Variants in SLC49A4 observed in about 807,000 individuals in gnomAD.
SLC49A4 encodes solute carrier family 49 member 4, also known as disrupted in renal cancer protein 2.
In SLC49A4, 36 loss-of-function variants were observed where a neutral mutation model predicts 50.6. That is an observed-to-expected ratio of 0.71 (90% CI 0.55 to 0.94). The LOEUF is 0.94. SLC49A4 is among the 40% of genes least tolerant of loss of function. The pLI is 0.00. For missense variants in SLC49A4, 503 were observed against 605.7 expected (o/e 0.83, Z 1.78); for synonymous variants, 248 against 241.2 (o/e 1.03, Z -0.26).
At chr3:122,860,268 A>G (rs1937045391) in intron 7 of SLC49A4, 66 bp downstream of exon 7, 5 of 1,371,712 alleles carry the variant, frequency 3.6e-6, no homozygotes, top group South Asian at 1.8e-5. Flanking sequence ...CATAACTCTG[A>G]CAGTAGGACT....
rs542235157 is a variant in SLC49A4 at position 122,838,129 on chromosome 3, C to A, written c.833+4683C>A. Among the ~76,000 whole-genome samples the A allele has an allele frequency of 7.1e-3, 1,072 of 152,028 alleles. 4 individuals are homozygous for A. The highest frequency in any genetic ancestry group is 0.022 in the African/African-American group (924 of 41,444). On this transcript the variant is annotated intron_variant, in intron 4 of 8. Transcript: ENST00000261038. ...TTGGTGGGACTGTAAACTAGTTCAA[C>A]CATTGTGGAAGTCAGTGTGGTGATT...
intron 2 of SLC49A4, among the ~76,000 whole-genome samples, chr3:122,824,698 CTTCCT>C (rs1347768744): frequency 7.7e-6 from 1 of 129,238 alleles, no homozygotes; most frequent in Non-Finnish European, 1.7e-5. Flanking sequence ...CCCTTCCTTT[CTTCCT>C]TTCCTTTCCT....
In SLC49A4 at chr3:122,807,695, G is replaced by A. The variant is rs149832108; in HGVS notation, c.437+745G>A. 8.6e-3 allele frequency among the ~76,000 whole-genome samples: 1,306 copies of A among 152,216 alleles called. 9 individuals are homozygous for A. The highest frequency in any genetic ancestry group is 0.011 in the Non-Finnish European group (760 of 67,998). On this transcript the variant is annotated intron_variant, in intron 2 of 8. Coordinates refer to ENST00000261038, the MANE Select transcript of SLC49A4 (RefSeq NM_032839.3). ...GTCCTTGAATGTGACCTTGAGAGTC[G>A]TTGAGAAATTTTTTCCCTTTCAGAA...
intron 3 of SLC49A4, 32 bp downstream of exon 3, chr3:122,827,097 C>T: frequency 6.3e-7 from 1 of 1,585,728 alleles, no homozygotes; most frequent in Non-Finnish European, 8.6e-7. Context: ...TCTTGTTATA[C>T]TTTGTCTTTT....
intron 4 of SLC49A4, among the ~76,000 whole-genome samples, chr3:122,840,404 AT>A: frequency 6.6e-6 from 1 of 152,280 alleles, no homozygotes; most frequent in South Asian, 2.1e-4. Flanking sequence ...ATTTGTTTTA[AT>A]TTTTTGTATA....
In SLC49A4 at chr3:122,868,004, A is replaced by G. The variant is rs555856495; in HGVS notation, c.1139-4411A>G. On this transcript the variant is annotated intron_variant, in intron 7 of 8. Coordinates refer to ENST00000261038, the MANE Select transcript of SLC49A4 (RefSeq NM_032839.3). ...GTGGTGGGCGCCTGTAGTCCCAGCTACTTGGGAGGCTGAGGCAGGAGAATG... is the reference window on the plus strand; with the variant it reads ...GTGGTGGGCGCCTGTAGTCCCAGCTGCTTGGGAGGCTGAGGCAGGAGAATG... Among the ~76,000 whole-genome samples, 6 of 151,848 alleles carry G rather than the reference A, an allele frequency of 4.0e-5. No homozygotes were observed. In the East Asian group the frequency reaches 1.2e-3, roughly 29 times the overall value.
intron 4 of SLC49A4, among the ~76,000 whole-genome samples, chr3:122,843,854 A>G (rs1936813157): frequency 6.6e-6 from 1 of 152,212 alleles, no homozygotes; most frequent in Non-Finnish European, 1.5e-5. Context: ...GGAGGCGTAT[A>G]ATATCTGGAC....
intron 4 of SLC49A4, among the ~76,000 whole-genome samples, chr3:122,837,256 C>T (rs908128728): frequency 1.3e-5 from 2 of 152,186 alleles, no homozygotes; most frequent in Admixed American, 6.5e-5. Context: ...AATGCCCAGT[C>T]AATTCTAAGC....
At chr3:122,837,492 A>T (rs1166518002) in intron 4 of SLC49A4, among the ~76,000 whole-genome samples, 3 of 152,186 alleles carry the variant, frequency 2.0e-5, no homozygotes. Flanking sequence ...TGGTGCTGGG[A>T]AAACTGGCTA....
At chr3:122,837,472 A>G (rs1398745592) in intron 4 of SLC49A4, among the ~76,000 whole-genome samples, 1 of 152,182 alleles carries the variant, frequency 6.6e-6, no homozygotes, top group Non-Finnish European at 1.5e-5. Flanking sequence ...AGGATTCCCT[A>G]TTTAATAAAT....
rs1269654827 is a variant in SLC49A4 at position 122,879,319 on chromosome 3, A to G, written c.1378A>G (p.Ile460Val). ...PGSCLLSLLL[I>V]LCFRESYDRL... ...GTCGTGTTTGCTCAGTCTCCTCCTC[A>G]TTCTGTGCTTCAGGGAATCCTATGA... The change falls in exon 9 of 9, where the codon ATT (isoleucine) becomes GTT (valine). Residue 460 changes from isoleucine to valine, a missense_variant. Ile to Val is a conservative substitution (Grantham distance 29). Coordinates refer to ENST00000261038, the MANE Select transcript of SLC49A4 (RefSeq NM_032839.3). 7 of 1,613,874 alleles carry G rather than the reference A, an allele frequency of 4.3e-6. No homozygotes were observed. Among genetic ancestry groups the G allele is most frequent in the East Asian group, 2.2e-5 (1 of 44,888 alleles).
chr3:122,856,053 C>T (rs1936985283), intron 5 of SLC49A4, among the ~76,000 whole-genome samples: 1 of 152,138 alleles, frequency 6.6e-6, no homozygotes, highest in Admixed American at 6.5e-5. Flanking sequence ...TTTAAGAGTT[C>T]CTAGTCCAAT....
Position 122,833,447 on chromosome 3 carries a change from G to T in SLC49A4, c.833+1G>T, listed in dbSNP as rs1210861146. Reference sequence around the variant, plus strand: ...GGAGAAGCGTTTGTAGATTATTAAGGTAAATATACTGAGAGTCACTGGATG... The same window carrying T: ...GGAGAAGCGTTTGTAGATTATTAAGTTAAATATACTGAGAGTCACTGGATG... On this transcript the variant is annotated splice_donor_variant, in intron 4 of 8. Transcript: ENST00000261038. LOFTEE classifies it high-confidence loss of function. 6.2e-7 allele frequency: 1 copy of T among 1,612,096 alleles called. No homozygotes were observed. Among genetic ancestry groups the T allele is most frequent in the Non-Finnish European group, 8.5e-7 (1 of 1,178,760 alleles).
At chr3:122,803,431 A>T (rs1936162830) in intron 1 of SLC49A4, among the ~76,000 whole-genome samples, 1 of 152,224 alleles carries the variant, frequency 6.6e-6, no homozygotes, top group African/African-American at 2.4e-5. Context: ...TAGGGGATGT[A>T]TAAAGCCATA....
At position 122,826,760 on chromosome 3, in the gene SLC49A4, G is replaced by T. The variant is rs773045685; in HGVS notation, c.438-40G>T. 5.0e-6 allele frequency: 8 copies of T among 1,597,170 alleles called. No homozygotes were observed. The South Asian group carries it at 8.9e-5, about 18-fold the overall frequency. On this transcript the variant is annotated intron_variant, in intron 2 of 8. Coordinates refer to ENST00000261038, the MANE Select transcript of SLC49A4 (RefSeq NM_032839.3). ...TTTCTTTTTGTCTTAGAAAATGCCT[G>T]TTTCAAATACCTCACAGCCTTTTAA... is the stretch of plus-strand genomic sequence containing the variant.
Position 122,795,146 on chromosome 3 carries a change from G to C in SLC49A4, c.-47G>C. 1 of 1,302,954 alleles carries C rather than the reference G, an allele frequency of 7.7e-7. No individual in the cohort carries two copies. The highest frequency in any genetic ancestry group is 3.2e-5 in the East Asian group (1 of 31,586). 80.7% of individuals were successfully genotyped at this position (1,302,954 alleles called of 1,614,324 possible). A position where few individuals can be genotyped will look rare whatever the true frequency, so the allele number is the denominator to read the frequency against. ...CTATTCTGCGCTGGGCTAGTCGGCG[G>C]TGACCCGGACTGCGCCCGGCAGTGG... On this transcript the variant is annotated 5_prime_UTR_variant, in exon 1 of 9. Transcript: ENST00000261038.
chr3:122,825,645 A>G (rs1936515684), intron 2 of SLC49A4, among the ~76,000 whole-genome samples: 1 of 151,698 alleles, frequency 6.6e-6, no homozygotes, highest in South Asian at 2.1e-4. Flanking sequence ...TAAAAAAAAA[A>G]AGAGGATTTG....
At position 122,802,225 on chromosome 3, in the gene SLC49A4, G is replaced by A. The variant is rs377543305; in HGVS notation, c.344-4632G>A. On this transcript the variant is annotated intron_variant, in intron 1 of 8. Transcript: ENST00000261038. ...TTTTCAAACATTGGGCGACAGGCAGGGCAGGACAGGGCAGTGATCCCTATG... is the reference window on the plus strand; with the variant it reads ...TTTTCAAACATTGGGCGACAGGCAGAGCAGGACAGGGCAGTGATCCCTATG... 7.2e-5 allele frequency among the ~76,000 whole-genome samples: 11 copies of A among 152,050 alleles called. No individual in the cohort carries two copies. In the East Asian group the frequency reaches 1.5e-3, roughly 21 times the overall value.
rs1036799712 is a variant in SLC49A4 at position 122,800,457 on chromosome 3, A to G, written c.343+4922A>G. Among the ~76,000 whole-genome samples the G allele has an allele frequency of 6.6e-5, 10 of 152,382 alleles. No individual in the cohort carries two copies. In the South Asian group the frequency reaches 1.7e-3, roughly 25 times the overall value. The stretch of plus-strand genomic sequence containing the variant: ...CATAAAGGGCAGCAGAGAAATAGGC[A>G]GTAGCCAGAGGGAATGTGGGTACTA... On this transcript the variant is annotated intron_variant, in intron 1 of 8. Coordinates refer to ENST00000261038, the MANE Select transcript of SLC49A4 (RefSeq NM_032839.3).
Sources: allele counts gnomAD v4.1 joint callset (sites outside exome capture counted in the v4.1 genomes callset), GRCh38; gene constraint gnomAD v4.1.1; transcripts MANE v1.5; gene names NCBI Gene and HGNC (gene_info 2026-07-23, HGNC 2026-07-21).